Variants in ETV5 observed in about 807,000 individuals in gnomAD.
ETV5 encodes ETS variant transcription factor 5.
ETV5 carries 10 observed loss-of-function variants against 70.0 expected under a neutral mutation model. That is an observed-to-expected ratio of 0.14 (90% confidence interval 0.09 to 0.24). The LOEUF (loss-of-function observed/expected upper bound fraction) is 0.24, where lower values mean the gene tolerates loss of function less well. Ranked by LOEUF, ETV5 falls within the 10% of genes least tolerant of loss-of-function variation. The pLI is 1.00. For synonymous variants in ETV5, 216 were observed against 242.2 expected (o/e 0.89, Z 1.01); for missense variants, 453 against 651.2 (o/e 0.70, Z 3.31).
rs564932390 is a variant in ETV5, at chr3:186,068,037, G to GT, written c.651-1966dup. Reference sequence around the variant, plus strand: ...GTTTAACTCATTAGTAATTAAAAAAGTAACAAAGTCAGAAGAGAAGTGTTT... The same window carrying GT: ...GTTTAACTCATTAGTAATTAAAAAAGTTAACAAAGTCAGAAGAGAAGTGTTT... On this transcript the variant is annotated intron_variant, in intron 7 of 12. Coordinates refer to ENST00000306376, the MANE Select transcript of ETV5 (RefSeq NM_004454.3). 3.7e-3 allele frequency among the ~76,000 whole-genome samples: 558 copies of GT among 152,290 alleles called. 1 individual carries two copies. The highest frequency in any genetic ancestry group is 4.2e-3 in the Non-Finnish European group (287 of 68,016).
chr3:186,048,761 ACT>A lies in ETV5; in HGVS notation c.1409_1410del (p.Glu470ValfsTer17), dbSNP rs1560043363. 1 of 1,614,062 alleles carries A rather than the reference ACT, an allele frequency of 6.2e-7. No individual in the cohort carries two copies. Among genetic ancestry groups the A allele is most frequent in the East Asian group, 2.2e-5 (1 of 44,872 alleles). ...PDNQRPFLKA[E>X]SECHLSEEDT... is the part of the protein sequence containing the mutation. ...TCCTCCTCGCTGAGGTGGCACTCGG[ACT>A]CTGCCTTCAGGAACGGACGCTGGTT... On this transcript the variant is annotated frameshift_variant, in exon 13 of 13. Transcript: ENST00000306376. LOFTEE classifies it high-confidence loss of function.
At chr3:186,050,753 A>G (rs1713007766) in intron 12 of ETV5, among the ~76,000 whole-genome samples, 1 of 152,172 alleles carries the variant, frequency 6.6e-6, no homozygotes, top group African/African-American at 2.4e-5. Context: ...ACAAGAAAGG[A>G]GTTAAGACAC....
intron 7 of ETV5, among the ~76,000 whole-genome samples, chr3:186,066,836 T>C (rs1210055493): frequency 7.2e-5 from 11 of 152,194 alleles, no homozygotes; most frequent in East Asian, 1.9e-4. Context: ...AATTGAGAGA[T>C]TGGCAGGTCA....
chr3:186,102,170 A>G (rs950672721), intron 5 of ETV5, among the ~76,000 whole-genome samples: 2 of 150,100 alleles, frequency 1.3e-5, no homozygotes, highest in Non-Finnish European at 3.0e-5. Context: ...GTGTTTAGAG[A>G]AAAAAAAAAG....
chr3:186,102,585 C>T (rs1465515876), intron 5 of ETV5, among the ~76,000 whole-genome samples: 2 of 143,252 alleles, frequency 1.4e-5, no homozygotes, highest in African/African-American at 2.6e-5. Flanking sequence ...GTAAGTGGGC[C>T]GAGATTGCGC....
intron 5 of ETV5, among the ~76,000 whole-genome samples, chr3:186,092,559 A>T (rs1714207197): frequency 6.6e-6 from 1 of 151,612 alleles, no homozygotes; most frequent in African/African-American, 2.4e-5. Context: ...CAGCCTCCAG[A>T]GTAGGTGGGA....
intron 7 of ETV5, 132 bp downstream of exon 7, chr3:186,079,685 C>T (rs1713883383): frequency 2.2e-6 from 2 of 908,480 alleles, no homozygotes; most frequent in Admixed American, 2.8e-5. Flanking sequence ...TTAGTCTTGC[C>T]TCACAAGCTG....
intron 5 of ETV5, among the ~76,000 whole-genome samples, chr3:186,082,428 CTTTT>C (rs1003609474): frequency 3.6e-5 from 5 of 139,706 alleles, no homozygotes; most frequent in Admixed American, 7.1e-5. Flanking sequence ...TCACTTTTCT[CTTTT>C]TTTTTTTTTT....
At chr3:186,080,966 C>A in intron 6 of ETV5, 80 bp downstream of exon 6, 1 of 1,500,490 alleles carries the variant, frequency 6.7e-7, no homozygotes, top group Admixed American at 2.1e-5. Context: ...GTAAGTAACA[C>A]TGGGAAGGAA....
rs563403297 is a variant in ETV5 at position 186,058,967 on chromosome 3, C to A, written c.971-1476G>T. On this transcript the variant is annotated intron_variant, in intron 9 of 12. Coordinates refer to ENST00000306376, the MANE Select transcript of ETV5 (RefSeq NM_004454.3). ...GGCGGAGGTTACAGTGGGTGGAGATCACGCTATTGTACTCCTGCCTGTGCA... is the reference window on the plus strand; with the variant it reads ...GGCGGAGGTTACAGTGGGTGGAGATAACGCTATTGTACTCCTGCCTGTGCA... Among the ~76,000 whole-genome samples the A allele has an allele frequency of 3.4e-5, 5 of 148,560 alleles. No individual in the cohort carries two copies. The South Asian group carries it at 1.1e-3, about 31-fold the overall frequency.
chr3:186,098,481 T>G (rs1714367327), intron 5 of ETV5, among the ~76,000 whole-genome samples: 1 of 152,146 alleles, frequency 6.6e-6, no homozygotes, highest in Non-Finnish European at 1.5e-5. Context: ...AAGCTACCTA[T>G]TAAGACAATT....
chr3:186,059,325 C>T lies in ETV5; in HGVS notation c.971-1834G>A, dbSNP rs140337052. Among the ~76,000 whole-genome samples the T allele has an allele frequency of 1.5e-3, 232 of 152,250 alleles. 1 individual carries two copies. Among genetic ancestry groups the T allele is most frequent in the African/African-American group, 4.8e-3 (201 of 41,522 alleles). ...TTATTTAATCCACTAAGTATTTATG[C>T]CAGGCGTTGTGCTAGAAGGGAGTAG... is the stretch of plus-strand genomic sequence containing the variant. On this transcript the variant is annotated intron_variant, in intron 9 of 12. Transcript: ENST00000306376.
chr3:186,088,527 A>G (rs1324181765), intron 5 of ETV5, among the ~76,000 whole-genome samples: 1 of 152,158 alleles, frequency 6.6e-6, no homozygotes, highest in Non-Finnish European at 1.5e-5. Flanking sequence ...GAAGAATTAC[A>G]TACTGCATAG....
At chr3:186,086,318 GCTTTT>G (rs1278915245) in intron 5 of ETV5, among the ~76,000 whole-genome samples, 4 of 152,190 alleles carry the variant, frequency 2.6e-5, no homozygotes, top group Non-Finnish European at 5.9e-5. Context: ...TTTCATAGTT[GCTTTT>G]CTTATTAGAC....
intron 1 of ETV5, among the ~76,000 whole-genome samples, chr3:186,107,916 T>A (rs1333382353): frequency 1.3e-5 from 2 of 148,432 alleles, no homozygotes; most frequent in African/African-American, 5.0e-5. Context: ...CCCGCCCCCA[T>A]TTCCAACGCA....
intron 7 of ETV5, among the ~76,000 whole-genome samples, chr3:186,077,435 T>C (rs1713822603): frequency 6.6e-6 from 1 of 152,262 alleles, no homozygotes; most frequent in African/African-American, 2.4e-5. Context: ...TCTCATTTTC[T>C]GTGTACTATC....
At chr3:186,069,950 G>A (rs1713560633) in intron 7 of ETV5, among the ~76,000 whole-genome samples, 1 of 151,914 alleles carries the variant, frequency 6.6e-6, no homozygotes, top group South Asian at 2.1e-4. Context: ...AGGATTACAG[G>A]TGCCTGCCAT....
At chr3:186,086,842 G>A (rs1714070472) in intron 5 of ETV5, among the ~76,000 whole-genome samples, 1 of 151,620 alleles carries the variant, frequency 6.6e-6, no homozygotes, top group African/African-American at 2.4e-5. Context: ...ACTGTGGTGT[G>A]CACCTGGGGT....
intron 9 of ETV5, among the ~76,000 whole-genome samples, chr3:186,060,806 C>T (rs114632925): frequency 1.4e-3 from 210 of 152,292 alleles, no homozygotes; most frequent in Non-Finnish European, 2.3e-3. Context: ...AACCCAATGC[C>T]TTGCTAAAAA....
Sources: allele counts gnomAD v4.1 joint callset (sites outside exome capture counted in the v4.1 genomes callset), GRCh38; gene constraint gnomAD v4.1.1; transcripts MANE v1.5; gene names NCBI Gene and HGNC (gene_info 2026-07-23, HGNC 2026-07-21).